GSK3B: variants seen among roughly 807,000 people sequenced by gnomAD.
GSK3B encodes the protein glycogen synthase kinase-3 beta.
Under a neutral mutation model 56.4 loss-of-function variants are expected in GSK3B, and 15 were observed. That is an observed-to-expected ratio of 0.27 (90% CI 0.18 to 0.41). The LOEUF is 0.41. Ranked by LOEUF, GSK3B falls within the 10% of genes least tolerant of loss-of-function variation. The probability of loss-of-function intolerance (pLI) is 1.00; values close to 1 mark genes in which losing one functional copy is unlikely to be tolerated. For synonymous variants in GSK3B, 181 were observed against 188.9 expected (o/e 0.96, Z 0.34); for missense variants, 300 against 513.4 (o/e 0.58, Z 4.02).
At chr3:120,072,610 A>G (rs2058335962) in intron 1 of GSK3B, among the ~76,000 whole-genome samples, 2 of 152,192 alleles carry the variant, frequency 1.3e-5, no homozygotes, top group Non-Finnish European at 2.9e-5. Context: ...ATCTTCAAAC[A>G]CTATAAAAAT....
chr3:120,061,224 T>C (rs1194659274), intron 1 of GSK3B, among the ~76,000 whole-genome samples: 1 of 152,228 alleles, frequency 6.6e-6, no homozygotes, highest in Non-Finnish European at 1.5e-5. Flanking sequence ...TTTTATAAAA[T>C]CAGAGGACAT....
chr3:119,967,171 C>T (rs183185741), intron 2 of GSK3B, among the ~76,000 whole-genome samples: 27 of 152,088 alleles, frequency 1.8e-4, no homozygotes, highest in Admixed American at 4.6e-4. Context: ...CTCCACCTCC[C>T]GGGTTCAAGC....
At chr3:120,002,852 T>C (rs2057692409) in intron 1 of GSK3B, among the ~76,000 whole-genome samples, 1 of 152,184 alleles carries the variant, frequency 6.6e-6, no homozygotes, top group Admixed American at 6.5e-5. Context: ...CATGGTCAAA[T>C]AGCAAAAGGT....
chr3:120,086,508 A>G (rs1187878196), intron 1 of GSK3B, among the ~76,000 whole-genome samples: 1 of 152,166 alleles, frequency 6.6e-6, no homozygotes, highest in African/African-American at 2.4e-5. Flanking sequence ...AAGAGAATTA[A>G]TATTCTCAGA....
chr3:120,014,062 G>A (rs2057803078), intron 1 of GSK3B, among the ~76,000 whole-genome samples: 1 of 150,702 alleles, frequency 6.6e-6, no homozygotes, highest in African/African-American at 2.4e-5. Context: ...TTGAACCCGG[G>A]AGGCGGAGGT....
intron 7 of GSK3B, among the ~76,000 whole-genome samples, chr3:119,894,107 T>C (rs1156912671): frequency 1.3e-5 from 2 of 152,160 alleles, no homozygotes; most frequent in Non-Finnish European, 2.9e-5. Context: ...TCTGGACATT[T>C]AATATAAATA....
intron 10 of GSK3B, among the ~76,000 whole-genome samples, chr3:119,830,753 T>A (rs1348887198): frequency 6.6e-6 from 1 of 152,222 alleles, no homozygotes; most frequent in East Asian, 1.9e-4. Context: ...GTATGAAGCC[T>A]ACTTGTACAA....
intron 1 of GSK3B, among the ~76,000 whole-genome samples, chr3:120,074,924 A>G (rs1170203424): frequency 6.6e-6 from 1 of 152,222 alleles, no homozygotes; most frequent in Non-Finnish European, 1.5e-5. Context: ...TACCTAAGCT[A>G]GACAAAAACA....
intron 2 of GSK3B, among the ~76,000 whole-genome samples, chr3:119,954,305 A>AATAGAATAGAATAGAATAG: frequency 8.2e-6 from 1 of 122,054 alleles, no homozygotes; most frequent in Non-Finnish European, 1.8e-5. Context: ...AATAGAATAG[A>AATAGAATAGAATAGAATAG]AAAGAAACAG....
At chr3:119,895,710 T>C (rs1237801968) in intron 7 of GSK3B, among the ~76,000 whole-genome samples, 4 of 152,166 alleles carry the variant, frequency 2.6e-5, no homozygotes, top group Non-Finnish European at 5.9e-5. Context: ...CAAAAATCAA[T>C]TGACAATAAA....
At chr3:120,009,357 T>C (rs887946799) in intron 1 of GSK3B, among the ~76,000 whole-genome samples, 4 of 152,174 alleles carry the variant, frequency 2.6e-5, no homozygotes, top group Admixed American at 6.5e-5. Flanking sequence ...GGATTATAAA[T>C]CATTCTACTA....
At chr3:119,890,370 A>G (rs1446499505) in intron 7 of GSK3B, among the ~76,000 whole-genome samples, 2 of 152,134 alleles carry the variant, frequency 1.3e-5, no homozygotes, top group African/African-American at 2.4e-5. Context: ...TACTGAGCAA[A>G]AAAAGCCAGA....
In GSK3B at chr3:119,926,328, C is replaced by CCACACACA. The variant is rs146771538; in HGVS notation, c.367-2853_367-2846dup. Reference sequence around the variant, plus strand: ...TCCCAGCCCCTTCTCTCTTACACTTCCACACACACACACACACACACACAC... The same window carrying CCACACACA: ...TCCCAGCCCCTTCTCTCTTACACTTCCACACACACACACACACACACACACACACACAC... On this transcript the variant is annotated intron_variant, in intron 3 of 10. Transcript: ENST00000264235. Among the ~76,000 whole-genome samples, 245 of 146,898 alleles carry CCACACACA rather than the reference C, an allele frequency of 1.7e-3. 1 individual carries two copies. Among genetic ancestry groups the CCACACACA allele is most frequent in the Admixed American group, 6.6e-3 (97 of 14,666 alleles).
chr3:120,021,844 C>G (rs2057880782), intron 1 of GSK3B, among the ~76,000 whole-genome samples: 1 of 152,146 alleles, frequency 6.6e-6, no homozygotes, highest in South Asian at 2.1e-4. Context: ...ATAATCTCAG[C>G]TGATAAAGCA....
intron 3 of GSK3B, among the ~76,000 whole-genome samples, chr3:119,946,306 T>C (rs541326634): frequency 1.3e-5 from 2 of 152,114 alleles, no homozygotes; most frequent in African/African-American, 2.4e-5. Context: ...TAAAGTTTAA[T>C]AGAAAATGTT....
chr3:119,980,923 G>A lies in GSK3B; in HGVS notation c.282+21123C>T, dbSNP rs578252472. 7.2e-5 allele frequency among the ~76,000 whole-genome samples: 11 copies of A among 152,310 alleles called. No individual in the cohort carries two copies. The East Asian group carries it at 2.1e-3, about 29-fold the overall frequency. On this transcript the variant is annotated intron_variant, in intron 2 of 10. Transcript: ENST00000264235. ...AGAGATGTTTACAAGTCAGAAAGTT[G>A]AGGCATGTCAAGGATTGTCTGTGAA... is the stretch of plus-strand genomic sequence containing the variant.
At chr3:119,910,775 C>A (rs867216346) in intron 6 of GSK3B, among the ~76,000 whole-genome samples, 1 of 152,212 alleles carries the variant, frequency 6.6e-6, no homozygotes, top group African/African-American at 2.4e-5. Context: ...GCTTTATCAA[C>A]TACAATTATG....
At chr3:119,896,730 T>A (rs1246779071) in intron 7 of GSK3B, among the ~76,000 whole-genome samples, 1 of 152,170 alleles carries the variant, frequency 6.6e-6, no homozygotes. Flanking sequence ...AAGCAAGAAT[T>A]CCTTAGTAAA....
chr3:119,942,481 G>A (rs1411351992), intron 3 of GSK3B, among the ~76,000 whole-genome samples: 7 of 151,862 alleles, frequency 4.6e-5, no homozygotes, highest in African/African-American at 7.3e-5. Context: ...TGTATTTTTA[G>A]TAGAGATGGG....
Sources: gnomAD v4.1 joint callset for allele counts (sites outside exome capture counted in the v4.1 genomes callset) on GRCh38, gnomAD v4.1.1 for gene constraint, MANE v1.5 for transcripts, NCBI Gene and HGNC (gene_info 2026-07-23, HGNC 2026-07-21) for gene names.